TRIM32: variants seen among roughly 807,000 people sequenced by gnomAD.
TRIM32 encodes the protein tripartite motif containing 32, also known as E3 ubiquitin-protein ligase TRIM32.
In TRIM32, 19 loss-of-function variants were observed where a neutral mutation model predicts 36.0. The ratio of observed to expected loss-of-function variants is 0.53; its 90% CI spans 0.37 to 0.77. The LOEUF (loss-of-function observed/expected upper bound fraction) is 0.77. TRIM32 is among the 30% of genes least tolerant of loss of function. The pLI, the probability that TRIM32 is intolerant of heterozygous loss-of-function variation, is 0.00. For missense variants in TRIM32, 747 were observed against 845.2 expected (o/e 0.88, Z 1.44); for synonymous variants, 309 against 318.5 (o/e 0.97, Z 0.32).
chr9:116,699,841 C>CCAT lies in TRIM32; in HGVS notation c.*139_*141dup. Reference sequence around the variant, plus strand: ...GGGTAGTTCTAGAACTTCAGAAGCTCCATCTTTTAATGTTTTTATTTGTTA... The same window carrying CCAT: ...GGGTAGTTCTAGAACTTCAGAAGCTCCATCATCTTTTAATGTTTTTATTTGTTA... On this transcript the variant is annotated 3_prime_UTR_variant, in exon 2 of 2. Transcript: ENST00000450136. The surrounding 1 kb of genome is among the most constrained non-coding windows in gnomAD (Gnocchi z 4.2). 1 of 1,151,530 alleles carries CCAT rather than the reference C, an allele frequency of 8.7e-7. No individual in the cohort carries two copies. Among genetic ancestry groups the CCAT allele is most frequent in the Non-Finnish European group, 1.2e-6 (1 of 803,250 alleles). 71.3% of individuals were successfully genotyped at this position (1,151,530 alleles called of 1,614,324 possible).
chr9:116,691,909 C>G (rs769992168), intron 1 of TRIM32, among the ~76,000 whole-genome samples: 5 of 152,146 alleles, frequency 3.3e-5, no homozygotes, highest in Non-Finnish European at 7.3e-5. Flanking sequence ...CCCAGTCAAA[C>G]CAGGGGAGCG....
rs1860985564 is a variant in TRIM32, at chr9:116,698,301, G to C, written c.559G>C (p.Glu187Gln). Residue 187 changes from glutamate (E) to glutamine (Q), a missense_variant, in exon 2 of 2, where the codon GAG (glutamate) becomes CAG (glutamine). By Grantham distance (29) the Glu-to-Gln change is conservative. Transcript: ENST00000450136. The surrounding 1 kb of genome is among the most constrained non-coding windows in gnomAD (Gnocchi z 4.4). ...GGCAAGGTATAAAGCAGTTCTCCAG[G>C]AGTATGGGCATGAGGAGCGCAGGGT... ...LQARYKAVLQEYGHEERRVQD... is the reference protein window; with the variant it reads ...LQARYKAVLQQYGHEERRVQD... The C allele has an allele frequency of 6.2e-7, 1 of 1,614,044 alleles. No homozygotes were observed. Among genetic ancestry groups the C allele is most frequent in the Non-Finnish European group, 8.5e-7 (1 of 1,180,046 alleles).
Position 116,697,809 on chromosome 9 carries a change from T to G in TRIM32, c.67T>G (p.Cys23Gly). Residue 23 changes from cysteine (C) to glycine (G), a missense_variant, in exon 2 of 2, where the codon TGC becomes GGC. Transcript: ENST00000450136. ...ALREVLECPI[C>G]MESFTEEQLR... is the part of the protein sequence containing the mutation. Reference sequence around the variant, plus strand: ...CCGGGAAGTGCTAGAATGCCCCATCTGCATGGAGTCCTTCACAGAAGAGCA... The same window carrying G: ...CCGGGAAGTGCTAGAATGCCCCATCGGCATGGAGTCCTTCACAGAAGAGCA... 6.2e-7 allele frequency: 1 copy of G among 1,614,164 alleles called. No individual in the cohort carries two copies. Among genetic ancestry groups the G allele is most frequent in the Non-Finnish European group, 8.5e-7 (1 of 1,180,022 alleles).
chr9:116,690,271 C>T (rs1422351402), intron 1 of TRIM32, among the ~76,000 whole-genome samples: 2 of 152,148 alleles, frequency 1.3e-5, no homozygotes, highest in African/African-American at 2.4e-5. Flanking sequence ...TGAATTCAAT[C>T]CTGCTAACAG....
Position 116,698,952 on chromosome 9 carries a change from T to G in TRIM32, c.1210T>G (p.Leu404Val). 6.2e-7 allele frequency: 1 copy of G among 1,614,184 alleles called. No homozygotes were observed. The highest frequency in any genetic ancestry group is 8.5e-7 in the Non-Finnish European group (1 of 1,180,032). Residue 404 changes from leucine to valine, a missense_variant, in exon 2 of 2, where the codon TTG becomes GTG. Physicochemically the swap from Leu to Val is conservative, Grantham distance 32 (BLOSUM62 1). Coordinates refer to ENST00000450136, the MANE Select transcript of TRIM32 (RefSeq NM_012210.4). The surrounding 1 kb of genome is among the most constrained non-coding windows in gnomAD (Gnocchi z 4.4). ...ACAAGTCTTTACCCGCAAAGGCTTT[T>G]TGAAGGAAATCCGCCGCAGCCCCAG... ...RIQVFTRKGF[L>V]KEIRRSPSGI...
Position 116,698,865 on chromosome 9 carries a change from G to A in TRIM32, c.1123G>A (p.Val375Ile). ...CACTCCAGGAATGTTCAATCTTCCA[G>A]TCAGTCTCTACGTGACCAGTCAAGG... is the stretch of plus-strand genomic sequence containing the variant. ...GSTPGMFNLP[V>I]SLYVTSQGEV... Residue 375 changes from valine to isoleucine, a missense_variant, in exon 2 of 2, where the codon GTC becomes ATC. Coordinates refer to ENST00000450136, the MANE Select transcript of TRIM32 (RefSeq NM_012210.4). This position sits in a 1 kb window ranked among gnomAD's most constrained non-coding sequence, Gnocchi z 4.4. 2 of 1,614,248 alleles carry A rather than the reference G, an allele frequency of 1.2e-6. No homozygotes were observed. Among genetic ancestry groups the A allele is most frequent in the Non-Finnish European group, 1.7e-6 (2 of 1,180,048 alleles).
At chr9:116,694,462 T>TTTTA (rs1385043390) in intron 1 of TRIM32, among the ~76,000 whole-genome samples, 1 of 128,020 alleles carries the variant, frequency 7.8e-6, no homozygotes, top group African/African-American at 3.0e-5. Flanking sequence ...AATTTCTCTT[T>TTTTA]TTTTTTTTTT....
chr9:116,692,328 T>C (rs1183286030), intron 1 of TRIM32, among the ~76,000 whole-genome samples: 7 of 152,178 alleles, frequency 4.6e-5, no homozygotes, highest in African/African-American at 1.7e-4. Context: ...TTGGGTACAG[T>C]CTGCTGAAAA....
At position 116,699,667 on chromosome 9, in the gene TRIM32, T is replaced by G; in HGVS notation, c.1925T>G (p.Ile642Ser). ...VLDCWDHCIK[I>S]YSYHLRRYST... ...GACTGTTGGGATCATTGCATCAAGA[T>G]CTACAGCTACCATCTGAGAAGATAT... is the stretch of plus-strand genomic sequence containing the variant. The change falls in exon 2 of 2, where the codon ATC becomes AGC. Residue 642 changes from isoleucine to serine, a missense_variant. Transcript: ENST00000450136. This position sits in a 1 kb window ranked among gnomAD's most constrained non-coding sequence, Gnocchi z 4.2. 1.2e-6 allele frequency: 2 copies of G among 1,614,194 alleles called. No individual in the cohort carries two copies. Among genetic ancestry groups the G allele is most frequent in the Non-Finnish European group, 1.7e-6 (2 of 1,180,032 alleles).
In TRIM32 at chr9:116,698,311, A is replaced by C. The variant is rs745730451; in HGVS notation, c.569A>C (p.His190Pro). The C allele has an allele frequency of 6.2e-7, 1 of 1,614,200 alleles. No individual in the cohort carries two copies. The highest frequency in any genetic ancestry group is 1.7e-5 in the Admixed American group (1 of 60,034). ...RYKAVLQEYG[H>P]EERRVQDELA... The stretch of plus-strand genomic sequence containing the variant: ...AAAGCAGTTCTCCAGGAGTATGGGC[A>C]TGAGGAGCGCAGGGTCCAGGATGAG... Residue 190 changes from histidine to proline, a missense_variant, in exon 2 of 2, where the codon CAT (histidine) becomes CCT (proline). By Grantham distance (77) the His-to-Pro change is moderately conservative. Transcript: ENST00000450136. The surrounding 1 kb of genome is among the most constrained non-coding windows in gnomAD (Gnocchi z 4.4).
chr9:116,698,150 C>T lies in TRIM32; in HGVS notation c.408C>T (p.Leu136=). 6.2e-7 allele frequency: 1 copy of T among 1,614,108 alleles called. No homozygotes were observed. Among genetic ancestry groups the T allele is most frequent in the Non-Finnish European group, 8.5e-7 (1 of 1,180,032 alleles). ...ADHQPPGHCT[L]PVKEAAEERR... ...ATCAGCCTCCTGGCCACTGTACACT[C>T]CCTGTCAAAGAAGCAGCTGAGGAGC... The change falls in exon 2 of 2, where the codon CTC becomes CTT. Residue 136 remains leucine (L), a synonymous_variant. Coordinates refer to ENST00000450136, the MANE Select transcript of TRIM32 (RefSeq NM_012210.4). The surrounding 1 kb of genome is among the most constrained non-coding windows in gnomAD (Gnocchi z 4.4).
chr9:116,698,468 C>G lies in TRIM32; in HGVS notation c.726C>G (p.Phe242Leu), dbSNP rs1860997288. The G allele has an allele frequency of 6.2e-7, 1 of 1,613,814 alleles. No individual in the cohort carries two copies. The highest frequency in any genetic ancestry group is 1.3e-5 in the African/African-American group (1 of 74,890). Reference protein sequence around the residue: ...EVQAVSRCDYFLAKIKQADVA... With the variant: ...EVQAVSRCDYLLAKIKQADVA... ...AGGCTGTGTCTCGCTGTGACTACTT[C>G]CTGGCCAAGATCAAGCAGGCAGATG... is the stretch of plus-strand genomic sequence containing the variant. The change falls in exon 2 of 2, where the codon TTC becomes TTG. Residue 242 changes from phenylalanine to leucine, a missense_variant. Physicochemically the swap from Phe to Leu is conservative, Grantham distance 22 (BLOSUM62 0). Coordinates refer to ENST00000450136, the MANE Select transcript of TRIM32 (RefSeq NM_012210.4). This position sits in a 1 kb window ranked among gnomAD's most constrained non-coding sequence, Gnocchi z 4.4.
intron 1 of TRIM32, among the ~76,000 whole-genome samples, chr9:116,697,004 A>C (rs10983306): frequency 0.16 from 23,637 of 151,218 alleles, 2,368 homozygotes; most frequent in Non-Finnish European, 0.23. Context: ...TCTTTGCTTA[A>C]AGTACCTTTA....
At chr9:116,694,673 G>A (rs1177446685) in intron 1 of TRIM32, among the ~76,000 whole-genome samples, 15 of 144,674 alleles carry the variant, frequency 1.0e-4, no homozygotes, top group South Asian at 2.2e-4. Flanking sequence ...GAGTTTCACC[G>A]TCTTAGCCAG....
rs1588221105 is a variant in TRIM32, at chr9:116,700,750, A to G, written c.*1046A>G. 1 of 167,032 alleles carries G rather than the reference A, an allele frequency of 6.0e-6. No individual in the cohort carries two copies. Among genetic ancestry groups the G allele is most frequent in the East Asian group, 1.9e-4 (1 of 5,190 alleles). The allele number at this position is 167,032 out of a possible 1,614,324, so 10.3% of individuals were successfully genotyped here. ...TTAAATAATTGAGAACTGTTTCTTC[A>G]TCTCTGGTGTTCATGTCTTTTAATT... On this transcript the variant is annotated 3_prime_UTR_variant, in exon 2 of 2. Transcript: ENST00000450136.
At position 116,700,886 on chromosome 9, in the gene TRIM32, G is replaced by C. The variant is rs1166097820; in HGVS notation, c.*1182G>C. 6.0e-6 allele frequency: 1 copy of C among 166,326 alleles called. No homozygotes were observed. The highest frequency in any genetic ancestry group is 6.6e-5 in the Admixed American group (1 of 15,240). The allele number at this position is 166,326 out of a possible 1,614,324, so 10.3% of individuals were successfully genotyped here. ...AGATATCTACCCAGGTCAAAATTCA[G>C]CCAAAAGCACTATTATGTAAAGATA... On this transcript the variant is annotated 3_prime_UTR_variant, in exon 2 of 2. Coordinates refer to ENST00000450136, the MANE Select transcript of TRIM32 (RefSeq NM_012210.4).
chr9:116,691,462 A>G (rs758381917), intron 1 of TRIM32, among the ~76,000 whole-genome samples: 1 of 152,210 alleles, frequency 6.6e-6, no homozygotes, highest in Non-Finnish European at 1.5e-5. Flanking sequence ...ACAGGCAAGC[A>G]TGTTTTCCAG....
At position 116,698,846 on chromosome 9, in the gene TRIM32, A is replaced by G; in HGVS notation, c.1104A>G (p.Pro368=). The G allele has an allele frequency of 3.7e-6, 6 of 1,614,228 alleles. No individual in the cohort carries two copies. The highest frequency in any genetic ancestry group is 1.1e-5 in the South Asian group (1 of 91,086). The change falls in exon 2 of 2, where the codon CCA becomes CCG. Residue 368 remains proline (P), a synonymous_variant. Coordinates refer to ENST00000450136, the MANE Select transcript of TRIM32 (RefSeq NM_012210.4). The surrounding 1 kb of genome is among the most constrained non-coding windows in gnomAD (Gnocchi z 4.4). The part of the protein sequence containing the change: ...LKKMGAKGST[P]GMFNLPVSLY... ...AGATGGGGGCCAAAGGCAGCACTCCAGGAATGTTCAATCTTCCAGTCAGTC... is the reference window on the plus strand; with the variant it reads ...AGATGGGGGCCAAAGGCAGCACTCCGGGAATGTTCAATCTTCCAGTCAGTC...
At chr9:116,688,872 A>G (rs1215743936) in intron 1 of TRIM32, among the ~76,000 whole-genome samples, 1 of 147,996 alleles carries the variant, frequency 6.8e-6, no homozygotes, top group African/African-American at 2.4e-5. Flanking sequence ...AACAACAACA[A>G]CCACCAGAAA....
Sources: gnomAD v4.1 joint callset for allele counts (sites outside exome capture counted in the v4.1 genomes callset) on GRCh38, gnomAD v4.1.1 for gene constraint, Gnocchi (gnomAD v3.1) non-coding constraint, MANE v1.5 for transcripts, NCBI Gene and HGNC (gene_info 2026-07-23, HGNC 2026-07-21) for gene names.